Variants in FGF12 observed in about 807,000 individuals in gnomAD.
FGF12 encodes fibroblast growth factor 12B.
A neutral mutation model predicts 23.6 loss-of-function variants in FGF12; 14 were observed. The ratio of observed to expected loss-of-function variants is 0.59; its 90% CI spans 0.39 to 0.93. The LOEUF (loss-of-function observed/expected upper bound fraction) is 0.93, where lower values mean the gene tolerates loss of function less well. Ranked by LOEUF, FGF12 falls within the 40% of genes least tolerant of loss-of-function variation. The probability of loss-of-function intolerance (pLI) is 0.00; values close to 1 mark genes in which losing one functional copy is unlikely to be tolerated. For missense variants in FGF12, 175 were observed against 217.8 expected, an observed-to-expected ratio of 0.80 and a Z score of 1.24; for synonymous variants, 62 against 77.3, an observed-to-expected ratio of 0.80 and a Z score of 1.04.
At chr3:192,609,720 C>T (rs1714480800) in intron 2 of FGF12, among the ~76,000 whole-genome samples, 2 of 152,026 alleles carry the variant, frequency 1.3e-5, no homozygotes, top group African/African-American at 4.8e-5. Flanking sequence ...GTTTTGAGTG[C>T]AAAGTGTTGT....
chr3:192,675,007 T>C (rs1000963945), intron 2 of FGF12, among the ~76,000 whole-genome samples: 2 of 152,262 alleles, frequency 1.3e-5, no homozygotes, highest in Non-Finnish European at 2.9e-5. Flanking sequence ...TGTGTGATCA[T>C]GGTTTTTAAT....
In FGF12 at chr3:192,514,376, G is replaced by A. The variant is rs866192595; in HGVS notation, c.14-153838C>T. Among the ~76,000 whole-genome samples, 1 of 152,252 alleles carries A rather than the reference G, an allele frequency of 6.6e-6. No homozygotes were observed. The highest frequency in any genetic ancestry group is 2.4e-5 in the African/African-American group (1 of 41,478). On this transcript the variant is annotated intron_variant, in intron 2 of 5. Transcript: ENST00000445105. The surrounding 1 kb of genome is among the most constrained non-coding windows in gnomAD (Gnocchi z 4.9). ...AGGGCCGCGAGAAGGTGCGAACGCA[G>A]GTCACGGCCAGCGCCGCTTGGAGAG... is the stretch of plus-strand genomic sequence containing the variant.
intron 2 of FGF12, among the ~76,000 whole-genome samples, chr3:192,458,371 A>C (rs906279243): frequency 1.3e-5 from 2 of 152,196 alleles, no homozygotes; most frequent in African/African-American, 4.8e-5. Flanking sequence ...GAAAGCAGCC[A>C]GGAAGGGGAC....
intron 3 of FGF12, 56 bp from the exon 4 acceptor site, chr3:192,335,520 CT>C: frequency 1.9e-6 from 2 of 1,034,714 alleles, no homozygotes; most frequent in Admixed American, 1.8e-5. Flanking sequence ...ATAAATAATC[CT>C]TCTTATAATC....
chr3:192,375,456 C>T (rs976316807), intron 2 of FGF12, among the ~76,000 whole-genome samples: 3 of 152,110 alleles, frequency 2.0e-5, no homozygotes, highest in African/African-American at 7.2e-5. Flanking sequence ...TGTAGTTTAA[C>T]AAAATCCAAG....
chr3:192,367,012 C>A (rs1719015958), intron 2 of FGF12, among the ~76,000 whole-genome samples: 1 of 151,978 alleles, frequency 6.6e-6, no homozygotes, highest in Non-Finnish European at 1.5e-5. Context: ...CTGGACATAA[C>A]CAGAAAGAAG....
intron 4 of FGF12, among the ~76,000 whole-genome samples, chr3:192,296,171 G>T (rs1715029693): frequency 6.9e-6 from 1 of 145,180 alleles, no homozygotes. Context: ...CTCCCAAAGT[G>T]CTGGGATTAC....
intron 2 of FGF12, among the ~76,000 whole-genome samples, chr3:192,498,296 A>G (rs56259605): frequency 0.021 from 3,191 of 152,312 alleles, 117 homozygotes; most frequent in African/African-American, 0.068. Context: ...TTGTATGCCC[A>G]AAGTCCGGCA....
chr3:192,276,860 T>A (rs1022919902), intron 4 of FGF12, among the ~76,000 whole-genome samples: 1 of 152,208 alleles, frequency 6.6e-6, no homozygotes, highest in African/African-American at 2.4e-5. Context: ...AAGAAAGGAA[T>A]ACGTACTCAG....
intron 2 of FGF12, among the ~76,000 whole-genome samples, chr3:192,679,793 C>G (rs543350826): frequency 1.3e-5 from 2 of 152,226 alleles, no homozygotes; most frequent in African/African-American, 4.8e-5. Context: ...GTGGCTTCTC[C>G]ATACAGCTGC....
intron 2 of FGF12, among the ~76,000 whole-genome samples, chr3:192,404,592 A>G (rs1456986774): frequency 1.3e-5 from 2 of 152,234 alleles, no homozygotes; most frequent in Non-Finnish European, 2.9e-5. Context: ...TGACTAATAC[A>G]GCCTTTTCAC....
At position 192,150,831 on chromosome 3, in the gene FGF12, A is replaced by G. The variant is rs1389909767; in HGVS notation, c.428-6704T>C. On this transcript the variant is annotated intron_variant, in intron 5 of 5. Transcript: ENST00000445105. ...TTTGGTTCCATATGAACTTTAAAGT[A>G]GTTTTTTCCAATTCTGTGAAGAAAG... 2.8e-4 allele frequency among the ~76,000 whole-genome samples: 39 copies of G among 140,764 alleles called. No individual in the cohort carries two copies. In the South Asian group the frequency reaches 9.0e-3, roughly 32 times the overall value. The allele number at this position is 140,764 out of a possible 152,430, so 92.3% of individuals were successfully genotyped here. A position where few individuals can be genotyped will look rare whatever the true frequency, so the allele number is the denominator to read the frequency against.
chr3:192,410,118 G>T (rs1215021526), intron 2 of FGF12, among the ~76,000 whole-genome samples: 1 of 152,040 alleles, frequency 6.6e-6, no homozygotes, highest in Non-Finnish European at 1.5e-5. Context: ...CCTCCCGCAC[G>T]GCCCGCCGAC....
chr3:192,287,382 T>C (rs2108645980), intron 4 of FGF12, among the ~76,000 whole-genome samples: 1 of 152,196 alleles, frequency 6.6e-6, no homozygotes, highest in Non-Finnish European at 1.5e-5. Context: ...TAATGATACT[T>C]AACACAACTC....
intron 2 of FGF12, among the ~76,000 whole-genome samples, chr3:192,633,584 C>A (rs1388615120): frequency 6.6e-6 from 1 of 152,142 alleles, no homozygotes; most frequent in East Asian, 1.9e-4. Context: ...CAATTCACTC[C>A]ATTTTTCTAT....
Position 192,409,997 on chromosome 3 carries a change from G to A in FGF12, c.14-49459C>T, listed in dbSNP as rs1037009975. 6.6e-6 allele frequency among the ~76,000 whole-genome samples: 1 copy of A among 152,070 alleles called. No individual in the cohort carries two copies. Among genetic ancestry groups the A allele is most frequent in the Non-Finnish European group, 1.5e-5 (1 of 67,980 alleles). Reference sequence around the variant, plus strand: ...GAGGCTCTGGGCGCGCGGAGCCGCCGCCGCCCCTCCGGCTGGCTCAGCTGG... The same window carrying A: ...GAGGCTCTGGGCGCGCGGAGCCGCCACCGCCCCTCCGGCTGGCTCAGCTGG... On this transcript the variant is annotated intron_variant, in intron 2 of 5. Coordinates refer to ENST00000445105, the MANE Select transcript of FGF12 (RefSeq NM_004113.6). The surrounding 1 kb of genome is among the most constrained non-coding windows in gnomAD (Gnocchi z 4.8).
chr3:192,712,662 A>G (rs1718729279), intron 2 of FGF12, among the ~76,000 whole-genome samples: 1 of 152,096 alleles, frequency 6.6e-6, no homozygotes, highest in Non-Finnish European at 1.5e-5. Context: ...TAACCACACG[A>G]TTGTTCAAAT....
Position 192,409,332 on chromosome 3 carries a change from C to G in FGF12, c.14-48794G>C, listed in dbSNP as rs1378471437. 6.6e-6 allele frequency among the ~76,000 whole-genome samples: 1 copy of G among 152,198 alleles called. No homozygotes were observed. Among genetic ancestry groups the G allele is most frequent in the Non-Finnish European group, 1.5e-5 (1 of 68,020 alleles). ...CAGCTCGGCGCCCACACGCCTTTAA[C>G]TGGAGCTCCCCGCCATGGTCCACCC... is the stretch of plus-strand genomic sequence containing the variant. On this transcript the variant is annotated intron_variant, in intron 2 of 5. Coordinates refer to ENST00000445105, the MANE Select transcript of FGF12 (RefSeq NM_004113.6). This position sits in a 1 kb window ranked among gnomAD's most constrained non-coding sequence, Gnocchi z 4.8.
At chr3:192,308,357 C>A (rs957906694) in intron 4 of FGF12, among the ~76,000 whole-genome samples, 3 of 152,072 alleles carry the variant, frequency 2.0e-5, no homozygotes, top group African/African-American at 2.4e-5. Context: ...GCAAAACAAA[C>A]AAAATATCAA....
Sources: allele counts gnomAD v4.1 joint callset (sites outside exome capture counted in the v4.1 genomes callset), GRCh38; gene constraint gnomAD v4.1.1; non-coding constraint Gnocchi (gnomAD v3.1); transcripts MANE v1.5; gene names NCBI Gene and HGNC (gene_info 2026-07-23, HGNC 2026-07-21).